The following RB1CC1 variants were observed in gnomAD, a reference collection of about 807,000 sequenced individuals.
The protein encoded by RB1CC1 is RB1-inducible coiled-coil protein 1.
RB1CC1 carries 46 observed loss-of-function variants against 177.5 expected under a neutral mutation model. That is an observed-to-expected ratio of 0.26 (90% CI 0.20 to 0.33). The LOEUF (loss-of-function observed/expected upper bound fraction) is 0.33. RB1CC1 is among the 10% of genes least tolerant of loss of function. The pLI is 1.00. For synonymous variants in RB1CC1, 666 were observed against 613.6 expected, an observed-to-expected ratio of 1.09 and a Z score of -1.26; for missense variants, 1,703 against 1,816.3, an observed-to-expected ratio of 0.94 and a Z score of 1.13.
chr8:52,673,639 A>C (rs1852803506), intron 7 of RB1CC1, among the ~76,000 whole-genome samples: 1 of 152,158 alleles, frequency 6.6e-6, no homozygotes, highest in Non-Finnish European at 1.5e-5. Flanking sequence ...TTTTCCTATT[A>C]ATCTCAAATA....
intron 8 of RB1CC1, among the ~76,000 whole-genome samples, chr8:52,664,127 A>C (rs1851859546): frequency 6.6e-6 from 1 of 152,220 alleles, no homozygotes; most frequent in Middle Eastern, 3.2e-3. Flanking sequence ...ATGACAATAT[A>C]GGTGTGAAAA....
At chr8:52,635,043 T>C (rs1290872096) in intron 19 of RB1CC1, 75 bp from the exon 20 acceptor site, 1 of 1,337,602 alleles carries the variant, frequency 7.5e-7, no homozygotes, top group African/African-American at 1.5e-5. Context: ...ATTGTCAAAG[T>C]TTTCATCAGA....
chr8:52,684,324 A>C (rs1854043347), intron 3 of RB1CC1, among the ~76,000 whole-genome samples: 1 of 152,226 alleles, frequency 6.6e-6, no homozygotes, highest in Non-Finnish European at 1.5e-5. Context: ...ACACATGTGA[A>C]GATTCCTTCC....
chr8:52,642,233 C>T (rs1849646139), intron 18 of RB1CC1, 118 bp downstream of exon 18: 5 of 1,323,408 alleles, frequency 3.8e-6, no homozygotes, highest in Non-Finnish European at 5.1e-6. Flanking sequence ...AATAGCACAA[C>T]TTTCAGATAC....
At chr8:52,625,038 T>C (rs975832130) in intron 22 of RB1CC1, among the ~76,000 whole-genome samples, 1 of 152,110 alleles carries the variant, frequency 6.6e-6, no homozygotes, top group African/African-American at 2.4e-5. Context: ...ATCACAGAAA[T>C]AACAGTTCAG....
intron 1 of RB1CC1, among the ~76,000 whole-genome samples, chr8:52,687,591 C>A (rs1854385698): frequency 6.6e-6 from 1 of 152,078 alleles, no homozygotes. Context: ...ATAGAGAGGC[C>A]CACCTGATAA....
chr8:52,649,656 ATC>A (rs1233116089), intron 15 of RB1CC1, among the ~76,000 whole-genome samples: 1 of 152,160 alleles, frequency 6.6e-6, no homozygotes, highest in Non-Finnish European at 1.5e-5. Context: ...TAAAATAAAA[ATC>A]TCTTTTGAAA....
intron 18 of RB1CC1, among the ~76,000 whole-genome samples, chr8:52,637,609 T>G (rs192785363): frequency 1.3e-5 from 2 of 152,274 alleles, no homozygotes; most frequent in Admixed American, 1.3e-4. Context: ...CAATAAAAGA[T>G]CAGGCTATGT....
At chr8:52,688,737 C>T (rs1591093276) in intron 1 of RB1CC1, among the ~76,000 whole-genome samples, 1 of 152,134 alleles carries the variant, frequency 6.6e-6, no homozygotes, top group South Asian at 2.1e-4. Context: ...ACACCCCCTC[C>T]CCTTTTGAAA....
Position 52,642,829 on chromosome 8 carries a change from ATTAT to A in RB1CC1, c.3988-21_3988-18del. On this transcript the variant is annotated intron_variant, in intron 16 of 23. Coordinates refer to ENST00000025008, the MANE Select transcript of RB1CC1 (RefSeq NM_014781.5). ...AAAATTGGTCTGGAACAAGAGAATA[ATTAT>A]TTAAATTTATCTACATGTACTTAGC... 2.6e-6 allele frequency: 4 copies of A among 1,511,460 alleles called. No individual in the cohort carries two copies. The highest frequency in any genetic ancestry group is 1.4e-5 in the South Asian group (1 of 72,762). 93.6% of individuals were successfully genotyped at this position (1,511,460 alleles called of 1,614,324 possible). A position where few individuals can be genotyped will look rare whatever the true frequency, so the allele number is the denominator to read the frequency against.
intron 8 of RB1CC1, among the ~76,000 whole-genome samples, chr8:52,667,346 A>C (rs2150526384): frequency 6.6e-6 from 1 of 152,352 alleles, no homozygotes; most frequent in East Asian, 1.9e-4. Context: ...GTTCCAATGA[A>C]AGAACACAAT....
chr8:52,660,658 C>T lies in RB1CC1; in HGVS notation c.1628-1G>A, dbSNP rs1851530601. ...AGACGATTTCTTAAAAAAGACTTCC[C>T]TGTATAAAGAAATTAACAATATGGT... On this transcript the variant is annotated splice_acceptor_variant, in intron 11 of 23. Transcript: ENST00000025008. LOFTEE classifies it high-confidence loss of function. 6.3e-7 allele frequency: 1 copy of T among 1,594,746 alleles called. No individual in the cohort carries two copies. Among genetic ancestry groups the T allele is most frequent in the African/African-American group, 1.4e-5 (1 of 73,600 alleles).
chr8:52,651,360 T>C (rs1284760960), intron 15 of RB1CC1, among the ~76,000 whole-genome samples: 21 of 152,246 alleles, frequency 1.4e-4, no homozygotes, highest in Admixed American at 1.3e-3. Flanking sequence ...CATTCATTTA[T>C]ATAGTCTCAC....
chr8:52,697,455 A>G lies in RB1CC1; in HGVS notation c.-166-10488T>C, dbSNP rs554337003. 2.0e-5 allele frequency among the ~76,000 whole-genome samples: 3 copies of G among 152,372 alleles called. No homozygotes were observed. In the East Asian group the frequency reaches 5.8e-4, roughly 29 times the overall value. On this transcript the variant is annotated intron_variant, in intron 1 of 23. Coordinates refer to ENST00000025008, the MANE Select transcript of RB1CC1 (RefSeq NM_014781.5). The stretch of plus-strand genomic sequence containing the variant: ...TAAATGTGCAAATCTAAATACGGAC[A>G]GGGTATCGGATTATACTAAAGAATT...
intron 8 of RB1CC1, among the ~76,000 whole-genome samples, chr8:52,664,487 T>C (rs1030323555): frequency 6.6e-6 from 1 of 152,190 alleles, no homozygotes; most frequent in African/African-American, 2.4e-5. Flanking sequence ...ATATTACCTA[T>C]AGTATTCTTT....
intron 16 of RB1CC1, among the ~76,000 whole-genome samples, chr8:52,644,769 A>G (rs1230994502): frequency 1.3e-5 from 2 of 152,152 alleles, no homozygotes; most frequent in East Asian, 3.8e-4. Flanking sequence ...ACATTTTTTC[A>G]AATTCCACAA....
intron 1 of RB1CC1, among the ~76,000 whole-genome samples, chr8:52,709,333 C>CA (rs1361112035): frequency 6.6e-6 from 1 of 152,212 alleles, no homozygotes; most frequent in Admixed American, 6.5e-5. Context: ...CTCACATACT[C>CA]ATTAAAATCT....
intron 15 of RB1CC1, 147 bp downstream of exon 15, chr8:52,655,861 T>G: frequency 1.7e-6 from 1 of 575,604 alleles, no homozygotes. Context: ...CAAGAAACAC[T>G]GACTAAAAAG....
intron 1 of RB1CC1, among the ~76,000 whole-genome samples, chr8:52,692,979 A>G (rs1475984802): frequency 6.6e-6 from 1 of 152,206 alleles, no homozygotes; most frequent in East Asian, 1.9e-4. Flanking sequence ...CTTCACCTAC[A>G]ACCACCTGAT....
Sources: allele counts gnomAD v4.1 joint callset (sites outside exome capture counted in the v4.1 genomes callset), GRCh38; gene constraint gnomAD v4.1.1; transcripts MANE v1.5; gene names NCBI Gene and HGNC (gene_info 2026-07-23, HGNC 2026-07-21).